The following DYNC2I1 variants were observed in gnomAD, a reference collection of about 807,000 sequenced individuals.
DYNC2I1 encodes dynein 2 intermediate chain 1, also known as cytoplasmic dynein 2 intermediate chain 1.
In DYNC2I1, 89 loss-of-function variants were observed where a neutral mutation model predicts 133.4. The ratio of observed to expected loss-of-function variants is 0.67; its 90% CI spans 0.56 to 0.80. The LOEUF (loss-of-function observed/expected upper bound fraction) is 0.80. Among genes scored for constraint, DYNC2I1 ranks in the 30% least tolerant of loss-of-function variants. The pLI, the probability that DYNC2I1 is intolerant of heterozygous loss-of-function variation, is 0.00. For missense variants in DYNC2I1, 1,291 were observed against 1,314.5 expected, an observed-to-expected ratio of 0.98 and a Z score of 0.28; for synonymous variants, 504 against 484.3, an observed-to-expected ratio of 1.04 and a Z score of -0.54.
the DYNC2I1 span, among the ~76,000 whole-genome samples, chr7:158,841,747 C>T: frequency 5.3e-5 from 8 of 152,314 alleles, no homozygotes; most frequent in African/African-American, 9.6e-5. Flanking sequence ...AAGAAGACAG[C>T]GTCGCAAAGC....
intron 15 of DYNC2I1, among the ~76,000 whole-genome samples, chr7:158,920,565 G>A (rs185670901): frequency 7.2e-5 from 11 of 151,908 alleles, no homozygotes; most frequent in East Asian, 3.9e-4. Context: ...ACTTCAGTGC[G>A]TGGCCTCTGT....
rs190481109 is a variant in DYNC2I1 at position 158,920,574 on chromosome 7, G to A, written c.1921+1705G>A. The stretch of plus-strand genomic sequence containing the variant: ...GTGTGTACTTCAGTGCGTGGCCTCT[G>A]TCGGGGAACACGTGAAGTGCATGTG... On this transcript the variant is annotated intron_variant, in intron 15 of 24. Transcript: ENST00000407559. 2.6e-4 allele frequency among the ~76,000 whole-genome samples: 40 copies of A among 151,278 alleles called. 1 individual carries two copies. The highest frequency in any genetic ancestry group is 1.1e-3 in the South Asian group (5 of 4,752).
chr7:158,945,742 A>C lies in DYNC2I1; in HGVS notation c.3164A>C (p.Gln1055Pro), dbSNP rs775877565. 8 of 1,597,084 alleles carry C rather than the reference A, an allele frequency of 5.0e-6. No individual in the cohort carries two copies. Among genetic ancestry groups the C allele is most frequent in the African/African-American group, 1.3e-5 (1 of 74,594 alleles). Reference sequence around the variant, plus strand: ...TGCAACAGGCTGCGTCTGCTTTTGCAGGAAGCCCTGTGGCCAGAGGGAAAA... The same window carrying C: ...TGCAACAGGCTGCGTCTGCTTTTGCCGGAAGCCCTGTGGCCAGAGGGAAAA... The part of the protein sequence containing the change: ...DECNRLRLLL[Q>P]EALWPEGKLH... The change falls in exon 25 of 25, where the codon CAG (glutamine) becomes CCG (proline). Residue 1055 changes from glutamine (Q) to proline (P), a missense_variant. By Grantham distance (76) the Gln-to-Pro change is moderately conservative. Coordinates refer to ENST00000407559, the MANE Select transcript of DYNC2I1 (RefSeq NM_018051.5). This position sits in a 1 kb window ranked among gnomAD's most constrained non-coding sequence, Gnocchi z 4.1.
At position 158,879,614 on chromosome 7, in the gene DYNC2I1, C is replaced by G. The variant is rs1843792633; in HGVS notation, c.574-70C>G. On this transcript the variant is annotated intron_variant, in intron 4 of 24. Coordinates refer to ENST00000407559, the MANE Select transcript of DYNC2I1 (RefSeq NM_018051.5). ...GTTGGATCCGTCGTTGCAGAACCCA[C>G]AGAGAGGGAGGGCTGGCTGCACTCC... 4 of 1,476,548 alleles carry G rather than the reference C, an allele frequency of 2.7e-6. No homozygotes were observed. The East Asian group carries it at 9.2e-5, about 34-fold the overall frequency. The allele number at this position is 1,476,548 out of a possible 1,614,324, so 91.5% of individuals were successfully genotyped here.
intron 1 of DYNC2I1, among the ~76,000 whole-genome samples, chr7:158,859,685 C>T (rs1001357280): frequency 2.0e-5 from 3 of 152,054 alleles, no homozygotes; most frequent in Admixed American, 6.6e-5. Flanking sequence ...GTATTTTTAG[C>T]AGAGACGGGA....
chr7:158,863,451 G>A (rs1199088709), intron 1 of DYNC2I1, among the ~76,000 whole-genome samples: 1 of 151,954 alleles, frequency 6.6e-6, no homozygotes, highest in Non-Finnish European at 1.5e-5. Context: ...TAGCCTGGGT[G>A]ACAGAATGAG....
chr7:158,904,776 A>G (rs1397705961), intron 10 of DYNC2I1: 1 of 168,960 alleles, frequency 5.9e-6, no homozygotes, highest in African/African-American at 2.4e-5. Context: ...ATGGTCATGA[A>G]GCAAGTAGCG....
At chr7:158,853,876 C>A (rs990590899), upstream of DYNC2I1, among the ~76,000 whole-genome samples, 3 of 152,112 alleles carry the variant, frequency 2.0e-5, no homozygotes, top group Non-Finnish European at 4.4e-5. Context: ...TGGTCTCAAA[C>A]TCCCGACCTC....
Position 158,926,469 on chromosome 7 carries a change from T to G in DYNC2I1, c.2433+6T>G. On this transcript the variant is annotated splice_donor_region_variant and intron_variant, in intron 19 of 24. Coordinates refer to ENST00000407559, the MANE Select transcript of DYNC2I1 (RefSeq NM_018051.5). ...GTGGGGTTCTCAATGTATGGGTGAG[T>G]AGTGGCCCAGGCCGGGCACATGCGG... 6.2e-7 allele frequency: 1 copy of G among 1,612,264 alleles called. No homozygotes were observed. Among genetic ancestry groups the G allele is most frequent in the Non-Finnish European group, 8.5e-7 (1 of 1,179,212 alleles).
At chr7:158,909,446 A>G (rs973439408) in intron 11 of DYNC2I1, among the ~76,000 whole-genome samples, 8 of 152,104 alleles carry the variant, frequency 5.3e-5, no homozygotes, top group African/African-American at 1.9e-4. Flanking sequence ...TCTATCAGGT[A>G]TGAAATATAG....
chr7:158,857,453 C>T (rs780881947), intron 1 of DYNC2I1, among the ~76,000 whole-genome samples: 5 of 151,986 alleles, frequency 3.3e-5, no homozygotes, highest in Non-Finnish European at 5.9e-5. Flanking sequence ...TACCTTCACT[C>T]CTATTATTTT....
intron 16 of DYNC2I1, among the ~76,000 whole-genome samples, chr7:158,923,117 G>A (rs574084511): frequency 6.6e-6 from 1 of 152,334 alleles, no homozygotes; most frequent in South Asian, 2.1e-4. Flanking sequence ...TTGGGAAAAT[G>A]TGCATTTGTA....
rs561063285 is a variant in DYNC2I1, at chr7:158,936,447, G to A, written c.2778+1898G>A. On this transcript the variant is annotated intron_variant, in intron 23 of 24. Coordinates refer to ENST00000407559, the MANE Select transcript of DYNC2I1 (RefSeq NM_018051.5). The stretch of plus-strand genomic sequence containing the variant: ...CCACAATGTCCCTTCCCCCTTATTT[G>A]GCCTGGCACCAAGTGCATGGAAAAT... Among the ~76,000 whole-genome samples the A allele has an allele frequency of 3.0e-4, 46 of 152,260 alleles. 2 individuals are homozygous for A. In the South Asian group the frequency reaches 9.1e-3, roughly 30 times the overall value.
chr7:158,950,977 T>G (rs1418620109), downstream of DYNC2I1, among the ~76,000 whole-genome samples: 9 of 152,198 alleles, frequency 5.9e-5, no homozygotes, highest in Non-Finnish European at 1.3e-4. Context: ...GCACCGTGCC[T>G]GGCCTATATA....
chr7:158,945,096 C>T lies in DYNC2I1; in HGVS notation c.3003-485C>T, dbSNP rs561748782. On this transcript the variant is annotated intron_variant, in intron 24 of 24. Transcript: ENST00000407559. The surrounding 1 kb of genome is among the most constrained non-coding windows in gnomAD (Gnocchi z 4.1). The stretch of plus-strand genomic sequence containing the variant: ...GGGGAGACAGGGTGGCCACAGGTCT[C>T]GTGTTGGGCACTGGGTGGATGATGG... 6.6e-6 allele frequency among the ~76,000 whole-genome samples: 1 copy of T among 152,166 alleles called. No individual in the cohort carries two copies. Among genetic ancestry groups the T allele is most frequent in the Non-Finnish European group, 1.5e-5 (1 of 67,974 alleles).
At chr7:158,927,113 T>A (rs1271817543) in intron 20 of DYNC2I1, 70 bp downstream of exon 20, 2 of 1,149,946 alleles carry the variant, frequency 1.7e-6, no homozygotes. Context: ...TACTGATAAC[T>A]GCGGTCAGGT....
chr7:158,881,542 C>T (rs1168177923), intron 5 of DYNC2I1, among the ~76,000 whole-genome samples: 2 of 152,130 alleles, frequency 1.3e-5, no homozygotes, highest in African/African-American at 4.8e-5. Flanking sequence ...CAACCTTGGC[C>T]TCCCAGGTTC....
At chr7:158,915,583 TG>T (rs1848068517) in intron 14 of DYNC2I1, among the ~76,000 whole-genome samples, 1 of 151,068 alleles carries the variant, frequency 6.6e-6, no homozygotes, top group Non-Finnish European at 1.5e-5. Context: ...CTCGACACGC[TG>T]GTTGAGATTA....
intron 13 of DYNC2I1, 26 bp from the exon 14 acceptor site, chr7:158,914,207 G>T (rs755886550): frequency 4.4e-5 from 70 of 1,583,790 alleles, no homozygotes; most frequent in South Asian, 1.1e-5. Flanking sequence ...CGACTTCGTT[G>T]ATTTTATATA....
Sources: gnomAD v4.1 joint callset for allele counts (sites outside exome capture counted in the v4.1 genomes callset) on GRCh38, gnomAD v4.1.1 for gene constraint, Gnocchi (gnomAD v3.1) non-coding constraint, MANE v1.5 for transcripts, NCBI Gene and HGNC (gene_info 2026-07-23, HGNC 2026-07-21) for gene names.